The following SCML2 variants were observed in gnomAD, a reference collection of about 807,000 sequenced individuals.
SCML2 encodes the protein sex comb on midleg-like protein 2.
Under a neutral mutation model 48.4 loss-of-function variants are expected in SCML2, and 6 were observed. The observed-to-expected ratio is 0.12, with a 90% CI of 0.07 to 0.24. The LOEUF is 0.24. SCML2 is among the 10% of genes least tolerant of loss of function. The pLI, the probability that SCML2 is intolerant of heterozygous loss-of-function variation, is 1.00. For synonymous variants in SCML2, 181 were observed against 189.5 expected (o/e 0.95, Z 0.37); for missense variants, 377 against 528.2 (o/e 0.71, Z 2.81).
At chrX:18,331,259 C>CAAAAAAAAAAAA (rs35589774) in intron 2 of SCML2, among the ~76,000 whole-genome samples, 1 of 16,265 alleles carries the variant, frequency 6.1e-5, no homozygotes, top group African/African-American at 2.4e-4. Flanking sequence ...GACTCCGTCT[C>CAAAAAAAAAAAA]AAAAAAAAAA....
chrX:18,326,700 A>AT (rs1484174001), intron 3 of SCML2, among the ~76,000 whole-genome samples: 3 of 108,149 alleles, frequency 2.8e-5, no homozygotes, highest in Non-Finnish European at 5.8e-5. Flanking sequence ...AAAAAAAAGA[A>AT]TGTGGGCTTT....
rs766031169 is a variant in SCML2, at chrX:18,305,105, C to T, written c.597G>A (p.Gly199=). ...CATCAAATGTGATATGAACTTCATC[C>T]CCTTTAACATCTCCAATGGTCGCAG... ...ICPATIGDVK[G]DEVHITFDGW... The change falls in exon 7 of 15, where the codon GGG becomes GGA. Residue 199 remains glycine (G), a synonymous_variant. Coordinates refer to ENST00000251900, the MANE Select transcript of SCML2 (RefSeq NM_006089.3). 8.3e-7 allele frequency: 1 copy of T among 1,211,170 alleles called. No individual in the cohort carries two copies. The highest frequency in any genetic ancestry group is 3.0e-5 in the East Asian group (1 of 33,840).
At chrX:18,325,086 G>GAA (rs367569771) in intron 3 of SCML2, 109 bp from the exon 4 acceptor site, 349 of 239,269 alleles carry the variant, frequency 1.5e-3, no homozygotes, top group East Asian at 1.6e-3. Flanking sequence ...CCTCTTAAAA[G>GAA]AAAAAAAAAA....
At chrX:18,266,388 T>C (rs888974758) in intron 7 of SCML2, among the ~76,000 whole-genome samples, 1 of 111,921 alleles carries the variant, frequency 8.9e-6, no homozygotes, top group South Asian at 3.8e-4. Context: ...GACTTTACAT[T>C]AATGTTGTCA....
At chrX:18,336,416 C>T (rs1388894022) in intron 1 of SCML2, among the ~76,000 whole-genome samples, 1 of 80,052 alleles carries the variant, frequency 1.2e-5, no homozygotes, top group Non-Finnish European at 2.3e-5. Context: ...TCCAGCCTGG[C>T]GAAAGAGCGA....
At chrX:18,288,866 A>C (rs1928141168) in intron 7 of SCML2, among the ~76,000 whole-genome samples, 1 of 111,730 alleles carries the variant, frequency 9.0e-6, no homozygotes, top group Admixed American at 9.6e-5. Context: ...AATTTCTAGC[A>C]AATGGGGATG....
chrX:18,312,643 C>T (rs188849477), intron 6 of SCML2, among the ~76,000 whole-genome samples: 1 of 109,908 alleles, frequency 9.1e-6, no homozygotes, highest in African/African-American at 3.3e-5. Context: ...ATAGGATTTC[C>T]TTATGGACCA....
intron 6 of SCML2, among the ~76,000 whole-genome samples, chrX:18,319,230 A>G (rs373171069): frequency 9.0e-6 from 1 of 111,333 alleles, no homozygotes. Context: ...GTCTCTACTA[A>G]AAACACAAAA....
rs892269325 is a variant in SCML2, at chrX:18,265,768, A to C, written c.765T>G (p.Ser255=). ...PIVKNIAKTE[S]SPSEASQHSM... Reference sequence around the variant, plus strand: ...AATGCTGGCTTGCTTCGGAAGGAGAAGACTCTGTTTTTGCTATATTCTTTA... The same window carrying C: ...AATGCTGGCTTGCTTCGGAAGGAGACGACTCTGTTTTTGCTATATTCTTTA... The change falls in exon 8 of 15, where the codon TCT becomes TCG. Residue 255 remains serine (S), a synonymous_variant. Coordinates refer to ENST00000251900, the MANE Select transcript of SCML2 (RefSeq NM_006089.3). 5.8e-6 allele frequency: 7 copies of C among 1,209,548 alleles called. No homozygotes were observed. Among genetic ancestry groups the C allele is most frequent in the Admixed American group, 2.2e-5 (1 of 45,963 alleles).
chrX:18,276,468 G>GTGTA (rs1240360678), intron 7 of SCML2, among the ~76,000 whole-genome samples: 7 of 111,235 alleles, frequency 6.3e-5, no homozygotes, highest in African/African-American at 2.0e-4. Context: ...GAACATGGGT[G>GTGTA]TGTATGTATG....
chrX:18,338,463 A>G (rs1250632501), intron 1 of SCML2, among the ~76,000 whole-genome samples: 1 of 108,993 alleles, frequency 9.2e-6, no homozygotes, highest in Non-Finnish European at 1.9e-5. Context: ...AAAAAGAAAA[A>G]AAAAAAACAA....
At chrX:18,292,246 T>A (rs772133819) in intron 7 of SCML2, among the ~76,000 whole-genome samples, 80 of 111,769 alleles carry the variant, frequency 7.2e-4, no homozygotes, top group African/African-American at 2.5e-3. Context: ...CGGAAATGGG[T>A]ATACCTTTCT....
At chrX:18,304,118 C>T (rs1443564600) in intron 7 of SCML2, among the ~76,000 whole-genome samples, 4 of 111,798 alleles carry the variant, frequency 3.6e-5, no homozygotes, top group Non-Finnish European at 7.5e-5. Context: ...CAGCTCACTG[C>T]AACCTCCACC....
In SCML2 at chrX:18,239,948, T is replaced by TCC. The variant is rs1260843537; in HGVS notation, c.*1301_*1302dup. 1.8e-5 allele frequency: 2 copies of TCC among 111,189 alleles called. No homozygotes were observed. The highest frequency in any genetic ancestry group is 3.8e-5 in the Non-Finnish European group (2 of 53,073). The allele number at this position is 111,189 out of a possible 1,213,427, so 9.2% of individuals were successfully genotyped here. The stretch of plus-strand genomic sequence containing the variant: ...GTGAGCCGAGATCGAGCTATTGCAC[T>TCC]CCAGCCTGGGCAACAAGAGTGAAAC... On this transcript the variant is annotated 3_prime_UTR_variant, in exon 15 of 15. Coordinates refer to ENST00000251900, the MANE Select transcript of SCML2 (RefSeq NM_006089.3).
chrX:18,347,723 C>CAAAAA (rs749758995), intron 1 of SCML2, among the ~76,000 whole-genome samples: 17 of 21,923 alleles, frequency 7.8e-4, no homozygotes, highest in Non-Finnish European at 1.1e-3. Context: ...GACTCCGTCT[C>CAAAAA]AAAAAAAAAA....
intron 2 of SCML2, among the ~76,000 whole-genome samples, chrX:18,331,259 CAAAAAAAAAAAA>C (rs35589774): frequency 3.1e-4 from 5 of 16,269 alleles, no homozygotes; most frequent in East Asian, 3.5e-3. Flanking sequence ...GACTCCGTCT[CAAAAAAAAAAAA>C]AAAAAAAAAA....
intron 1 of SCML2, among the ~76,000 whole-genome samples, chrX:18,334,581 A>G (rs1929752039): frequency 9.0e-6 from 1 of 111,121 alleles, no homozygotes; most frequent in Admixed American, 9.6e-5. Flanking sequence ...ACCTGTAAGA[A>G]CTGCAAGAGT....
chrX:18,342,238 C>T (rs948951441), intron 1 of SCML2, among the ~76,000 whole-genome samples: 1 of 111,130 alleles, frequency 9.0e-6, no homozygotes, highest in East Asian at 2.8e-4. Flanking sequence ...AAGTTAAAAG[C>T]TTCAGGCTTT....
chrX:18,261,868 C>CAGA (rs1927077213), intron 8 of SCML2, among the ~76,000 whole-genome samples: 1 of 109,554 alleles, frequency 9.1e-6, no homozygotes, highest in East Asian at 2.8e-4. Flanking sequence ...TTTTATTTTT[C>CAGA]ATTTAAAAAA....
Sources: allele counts gnomAD v4.1 joint callset (sites outside exome capture counted in the v4.1 genomes callset), GRCh38; gene constraint gnomAD v4.1.1; transcripts MANE v1.5; gene names NCBI Gene and HGNC (gene_info 2026-07-23, HGNC 2026-07-21).